ITSN2: variants seen among roughly 807,000 people sequenced by gnomAD.
The protein encoded by ITSN2 is intersectin-2.
A neutral mutation model predicts 243.7 loss-of-function variants in ITSN2; 156 were observed. The observed-to-expected ratio is 0.64, with a 90% CI of 0.56 to 0.73. The LOEUF (loss-of-function observed/expected upper bound fraction) is 0.73. ITSN2 is among the 30% of genes least tolerant of loss of function. ITSN2 has a pLI of 0.00. For synonymous variants in ITSN2, 703 were observed against 699.9 expected (o/e 1.00, Z -0.07); for missense variants, 1,801 against 1,996.1 (o/e 0.90, Z 1.86).
At position 24,323,212 on chromosome 2, in the gene ITSN2, A is replaced by G. The variant is rs375030234; in HGVS notation, c.31+4840T>C. On this transcript the variant is annotated intron_variant, in intron 2 of 39. Transcript: ENST00000355123. ...CCCAACAATAGACTGAGTATTAACAAAAGACTCTTGGGTAAATACCCAAGA... is the reference window on the plus strand; with the variant it reads ...CCCAACAATAGACTGAGTATTAACAGAAGACTCTTGGGTAAATACCCAAGA... Among the ~76,000 whole-genome samples the G allele has an allele frequency of 1.9e-4, 29 of 152,282 alleles. 1 individual carries two copies. The South Asian group carries it at 6.0e-3, about 32-fold the overall frequency.
At position 24,210,632 on chromosome 2, in the gene ITSN2, AAAG is replaced by A. The variant is rs1339858846; in HGVS notation, c.4257+145_4257+147del. The A allele has an allele frequency of 1.0e-3, 652 of 634,776 alleles. 1 individual carries two copies. Among genetic ancestry groups the A allele is most frequent in the Non-Finnish European group, 1.2e-3 (481 of 390,476 alleles). The allele number at this position is 634,776 out of a possible 1,614,324, so 39.3% of individuals were successfully genotyped here. On this transcript the variant is annotated intron_variant, in intron 34 of 39. Transcript: ENST00000355123. ...TCCGTCTCAAAAAAAAAAAAAAAAA[AAAG>A]AAAAAAAAATGCCTTTGCAGGGGCA...
Position 24,334,764 on chromosome 2 carries a change from T to C in ITSN2, c.-33-6649A>G, listed in dbSNP as rs1365564810. The C allele has an allele frequency of 5.9e-6, 9 of 1,528,080 alleles. No individual in the cohort carries two copies. The African/African-American group carries it at 9.5e-5, about 16-fold the overall frequency. 94.7% of individuals were successfully genotyped at this position (1,528,080 alleles called of 1,614,324 possible). A position where few individuals can be genotyped will look rare whatever the true frequency, so the allele number is the denominator to read the frequency against. On this transcript the variant is annotated intron_variant, in intron 1 of 39. Transcript: ENST00000355123. ...TGCAGATCTAAGAGAATGTTGGCTA[T>C]TAAAAGATGCAAGCATTGGCCGGGC...
chr2:24,310,746 C>A lies in ITSN2; in HGVS notation c.353-54G>T. ...GTGCTAGAAAATCAATTATAAAACACATGCAAAAAACAAGTTTACAGTACA... is the reference window on the plus strand; with the variant it reads ...GTGCTAGAAAATCAATTATAAAACAAATGCAAAAAACAAGTTTACAGTACA... On this transcript the variant is annotated intron_variant, in intron 5 of 39. Transcript: ENST00000355123. 8.8e-6 allele frequency: 13 copies of A among 1,473,392 alleles called. No homozygotes were observed. In the Admixed American group the frequency reaches 1.5e-4, roughly 17 times the overall value. 91.3% of individuals were successfully genotyped at this position (1,473,392 alleles called of 1,614,324 possible).
chr2:24,229,218 G>C (rs573854250), intron 29 of ITSN2, among the ~76,000 whole-genome samples: 5 of 152,240 alleles, frequency 3.3e-5, no homozygotes, highest in African/African-American at 9.6e-5. Flanking sequence ...AAATTAATGA[G>C]AATATGAAAG....
At chr2:24,349,921 C>CT (rs1430676270) in intron 1 of ITSN2, among the ~76,000 whole-genome samples, 1 of 152,190 alleles carries the variant, frequency 6.6e-6, no homozygotes, top group Non-Finnish European at 1.5e-5. Flanking sequence ...GACAACACCA[C>CT]TGATGTAGTG....
chr2:24,258,597 A>G (rs1675371982), intron 22 of ITSN2, among the ~76,000 whole-genome samples: 1 of 152,128 alleles, frequency 6.6e-6, no homozygotes, highest in Non-Finnish European at 1.5e-5. Flanking sequence ...TGTTCCTTTA[A>G]TAAGGCTAAA....
At chr2:24,285,830 T>C (rs1034193418) in intron 16 of ITSN2, among the ~76,000 whole-genome samples, 1 of 152,226 alleles carries the variant, frequency 6.6e-6, no homozygotes, top group Non-Finnish European at 1.5e-5. Flanking sequence ...ATAAAAACTG[T>C]GTTAAAAGAG....
intron 9 of ITSN2, among the ~76,000 whole-genome samples, 174 bp downstream of exon 9, chr2:24,303,625 C>T (rs912850490): frequency 2.6e-5 from 4 of 152,318 alleles, no homozygotes; most frequent in South Asian, 4.1e-4. Flanking sequence ...CAACATTCTG[C>T]ACAATTACAT....
chr2:24,297,822 T>C (rs1000410037), intron 13 of ITSN2, among the ~76,000 whole-genome samples: 10 of 152,186 alleles, frequency 6.6e-5, no homozygotes, highest in Admixed American at 2.6e-4. Flanking sequence ...CAGGAGTACA[T>C]GGTTCATCAG....
chr2:24,339,147 CTG>C (rs1385857117), intron 1 of ITSN2, among the ~76,000 whole-genome samples: 1 of 152,136 alleles, frequency 6.6e-6, no homozygotes, highest in African/African-American at 2.4e-5. Context: ...TATTCAAAAA[CTG>C]TGCGATTTGA....
intron 13 of ITSN2, among the ~76,000 whole-genome samples, chr2:24,298,043 G>C (rs1399084404): frequency 6.7e-6 from 1 of 150,088 alleles, no homozygotes; most frequent in Non-Finnish European, 1.5e-5. Flanking sequence ...GGAGTGCAGT[G>C]GTGCGATCTT....
chr2:24,337,325 T>TATATACATATATATATATATATAC (rs1386839125), intron 1 of ITSN2, among the ~76,000 whole-genome samples: 2 of 94,472 alleles, frequency 2.1e-5, no homozygotes, highest in Non-Finnish European at 4.3e-5. Context: ...AATATATATA[T>TATATACATATATATATATATATAC]ATATATATAT....
In ITSN2 at chr2:24,281,526, C is replaced by T. The variant is rs554944257; in HGVS notation, c.1944+3237G>A. Among the ~76,000 whole-genome samples, 379 of 152,338 alleles carry T rather than the reference C, an allele frequency of 2.5e-3. 2 individuals carry two copies. Among genetic ancestry groups the T allele is most frequent in the African/African-American group, 8.7e-3 (363 of 41,574 alleles). On this transcript the variant is annotated intron_variant, in intron 17 of 39. Transcript: ENST00000355123. ...GTGCATGTCTATTAAAACCTCAAACCTGTATGAACCATGAACCTATTTCAT... is the reference window on the plus strand; with the variant it reads ...GTGCATGTCTATTAAAACCTCAAACTTGTATGAACCATGAACCTATTTCAT...
At chr2:24,359,906 G>A (rs1688794051) in intron 1 of ITSN2, among the ~76,000 whole-genome samples, 1 of 152,132 alleles carries the variant, frequency 6.6e-6, no homozygotes, top group Admixed American at 6.5e-5. Flanking sequence ...GGGTCCCCGA[G>A]GAGGCGTGCG....
chr2:24,215,351 G>A (rs1042818332), intron 32 of ITSN2, among the ~76,000 whole-genome samples: 7 of 151,878 alleles, frequency 4.6e-5, no homozygotes, highest in African/African-American at 1.7e-4. Context: ...ATTTTATCTT[G>A]TTGCATTTTA....
intron 15 of ITSN2, among the ~76,000 whole-genome samples, chr2:24,289,587 T>C (rs1679974597): frequency 6.6e-6 from 1 of 152,220 alleles, no homozygotes; most frequent in Non-Finnish European, 1.5e-5. Context: ...GAATGTATTT[T>C]ATTCCTTTTT....
Position 24,261,681 on chromosome 2 carries a change from C to T in ITSN2, c.2417G>A (p.Gly806Asp). ...WLYGSFQGNF[G>D]WFPCNYVEKM... is the part of the protein sequence containing the mutation. ...TTCTACATAATTGCATGGAAACCAGCCAAAATTTCCTTGAAAACTACCATA... is the reference window on the plus strand; with the variant it reads ...TTCTACATAATTGCATGGAAACCAGTCAAAATTTCCTTGAAAACTACCATA... The change falls in exon 21 of 40, where the codon GGC (glycine) becomes GAC (aspartate). Residue 806 changes from glycine to aspartate, a missense_variant. Physicochemically the swap from Gly to Asp is moderately conservative, Grantham distance 94 (BLOSUM62 -1). Coordinates refer to ENST00000355123, the MANE Select transcript of ITSN2 (RefSeq NM_006277.3). 1.9e-6 allele frequency: 3 copies of T among 1,613,578 alleles called. No homozygotes were observed. The highest frequency in any genetic ancestry group is 2.5e-6 in the Non-Finnish European group (3 of 1,179,688).
At chr2:24,261,440 G>C in intron 21 of ITSN2, 121 bp downstream of exon 21, 3 of 943,194 alleles carry the variant, frequency 3.2e-6, no homozygotes, top group Non-Finnish European at 4.8e-6. Context: ...GGAACAAAAA[G>C]TAGTCTTGAA....
chr2:24,339,328 G>A (rs184025346), intron 1 of ITSN2, among the ~76,000 whole-genome samples: 11 of 152,110 alleles, frequency 7.2e-5, no homozygotes, highest in Non-Finnish European at 1.6e-4. Context: ...AAAATTAGCC[G>A]GGTGTGGCGG....
Sources: gnomAD v4.1 joint callset for allele counts (sites outside exome capture counted in the v4.1 genomes callset) on GRCh38, gnomAD v4.1.1 for gene constraint, MANE v1.5 for transcripts, NCBI Gene and HGNC (gene_info 2026-07-23, HGNC 2026-07-21) for gene names.